GALNT9: variants seen among roughly 807,000 people sequenced by gnomAD.
GALNT9 encodes the protein polypeptide N-acetylgalactosaminyltransferase 9, also known as GalNAc transferase 9.
A neutral mutation model predicts 63.1 loss-of-function variants in GALNT9; 47 were observed. That is an observed-to-expected ratio of 0.75 (90% CI 0.59 to 0.95). GALNT9 has a LOEUF of 0.95. Among genes scored for constraint, GALNT9 ranks in the 40% least tolerant of loss-of-function variants. The pLI is 0.00. For synonymous variants in GALNT9, 396 were observed against 365.7 expected, an observed-to-expected ratio of 1.08 and a Z score of -0.94; for missense variants, 829 against 874.8, an observed-to-expected ratio of 0.95 and a Z score of 0.66.
chr12:132,268,896 G>A (rs1210561846), intron 2 of GALNT9, among the ~76,000 whole-genome samples: 1 of 152,238 alleles, frequency 6.6e-6, no homozygotes, highest in East Asian at 1.9e-4. Flanking sequence ...GGTGAGGGTC[G>A]CGGAGGGGCC....
rs1308750205 is a variant in GALNT9, at chr12:132,303,977, G to A, written c.239-17547C>T. Among the ~76,000 whole-genome samples the A allele has an allele frequency of 1.6e-3, 43 of 26,140 alleles. 1 individual carries two copies. Among genetic ancestry groups the A allele is most frequent in the Admixed American group, 2.4e-3 (5 of 2,110 alleles). The allele number at this position is 26,140 out of a possible 152,430, so 17.1% of individuals were successfully genotyped here. On this transcript the variant is annotated intron_variant, in intron 1 of 10. Transcript: ENST00000328957. ...CTCACCTGGGCACAGCCTCACCGGG[G>A]CACACCCTCACCCAGACACAGCCTC...
intron 6 of GALNT9, among the ~76,000 whole-genome samples, chr12:132,239,994 T>C (rs1271622797): frequency 6.6e-6 from 1 of 151,798 alleles, no homozygotes; most frequent in Admixed American, 6.6e-5. Flanking sequence ...AGAGGAGTGA[T>C]CAGAGGTGAA....
intron 5 of GALNT9, among the ~76,000 whole-genome samples, chr12:132,255,412 G>C (rs1000127139): frequency 3.9e-5 from 6 of 152,128 alleles, no homozygotes; most frequent in African/African-American, 1.4e-4. Flanking sequence ...CTTTCTTTTG[G>C]AGGTCTTTTC....
In GALNT9 at chr12:132,259,963, C is replaced by A; in HGVS notation, c.761+985G>T. On this transcript the variant is annotated intron_variant, in intron 4 of 10. Coordinates refer to ENST00000328957, the MANE Select transcript of GALNT9 (RefSeq NM_001122636.2). ...TCCTGGCCCTGGTGCGGGGAACACC[C>A]TGTGCATTGTGGGCGCGGGGCCTGC... Among the ~76,000 whole-genome samples, 2 of 149,916 alleles carry A rather than the reference C, an allele frequency of 1.3e-5. 1 individual carries two copies.
At chr12:132,294,129 C>G (rs1555243021) in intron 1 of GALNT9, among the ~76,000 whole-genome samples, 2 of 152,258 alleles carry the variant, frequency 1.3e-5, no homozygotes, top group African/African-American at 4.8e-5. Context: ...ACTATGGACA[C>G]ATTGGTGGGG....
At chr12:132,204,139 A>G (rs1470528716) in intron 6 of GALNT9, among the ~76,000 whole-genome samples, 1 of 142,282 alleles carries the variant, frequency 7.0e-6, no homozygotes, top group African/African-American at 2.6e-5. Flanking sequence ...CATCCCCAGA[A>G]CACACACAAT....
intron 1 of GALNT9, among the ~76,000 whole-genome samples, chr12:132,294,467 A>T (rs1003506050): frequency 6.6e-6 from 1 of 152,148 alleles, no homozygotes; most frequent in Non-Finnish European, 1.5e-5. Flanking sequence ...CAGGCAGGAG[A>T]CTCAGGAGCT....
intron 5 of GALNT9, among the ~76,000 whole-genome samples, chr12:132,256,415 C>T (rs1434833597): frequency 6.6e-6 from 1 of 151,860 alleles, no homozygotes; most frequent in Non-Finnish European, 1.5e-5. Context: ...TGGAGTCTGC[C>T]CTGCTCATCC....
chr12:132,257,368 C>G (rs892220001), intron 5 of GALNT9, among the ~76,000 whole-genome samples: 2 of 151,862 alleles, frequency 1.3e-5, no homozygotes, highest in African/African-American at 4.8e-5. Flanking sequence ...GCACCCGGCC[C>G]GACACTCACC....
chr12:132,299,313 C>T (rs1881203305), intron 1 of GALNT9, among the ~76,000 whole-genome samples: 2 of 139,740 alleles, frequency 1.4e-5, no homozygotes, highest in South Asian at 2.6e-4. Flanking sequence ...CACATCTAAC[C>T]CATCCCTGAG....
chr12:132,271,088 G>T (rs113646987), intron 2 of GALNT9, among the ~76,000 whole-genome samples: 3,469 of 152,282 alleles, frequency 0.023, 129 homozygotes, highest in African/African-American at 0.079. Context: ...CAGACGCTGC[G>T]CCCGTCACTC....
In GALNT9 at chr12:132,197,027, G is replaced by A. The variant is rs1238920849; in HGVS notation, c.*80C>T. On this transcript the variant is annotated 3_prime_UTR_variant, in exon 11 of 11. Transcript: ENST00000328957. ...AGAGCCCTGTCCTGCTGTGTCTGCCGGGCACACCCCGGTCACTCAGCCACA... is the reference window on the plus strand; with the variant it reads ...AGAGCCCTGTCCTGCTGTGTCTGCCAGGCACACCCCGGTCACTCAGCCACA... The A allele has an allele frequency of 1.3e-5, 20 of 1,578,056 alleles. No individual in the cohort carries two copies. Among genetic ancestry groups the A allele is most frequent in the East Asian group, 9.0e-5 (4 of 44,486 alleles).
intron 2 of GALNT9, among the ~76,000 whole-genome samples, chr12:132,272,032 C>T (rs377231730): frequency 3.9e-5 from 6 of 151,912 alleles, no homozygotes; most frequent in South Asian, 4.2e-4. Context: ...CGCTCGAGGG[C>T]GGGGGGAGGA....
intron 6 of GALNT9, among the ~76,000 whole-genome samples, chr12:132,240,243 G>C (rs1284807718): frequency 1.3e-5 from 2 of 152,158 alleles, no homozygotes; most frequent in African/African-American, 4.8e-5. Context: ...TCAGGGATCT[G>C]GAATATGACC....
At chr12:132,226,002 C>T (rs1413797170) in intron 6 of GALNT9, among the ~76,000 whole-genome samples, 3 of 147,762 alleles carry the variant, frequency 2.0e-5, no homozygotes, top group Admixed American at 2.0e-4. Context: ...ACACCCCACA[C>T]ACCCCACATT....
chr12:132,223,134 CCCACACACACA>C (rs1593071345), intron 6 of GALNT9, among the ~76,000 whole-genome samples: 4 of 105,978 alleles, frequency 3.8e-5, no homozygotes, highest in Non-Finnish European at 7.7e-5. Context: ...CCACACACAC[CCCACACACACA>C]CCACACAACC....
rs1047316851 is a variant in GALNT9 at position 132,245,614 on chromosome 12, C to T, written c.1077+2296G>A. On this transcript the variant is annotated intron_variant, in intron 6 of 10. Transcript: ENST00000328957. This position sits in a 1 kb window ranked among gnomAD's most constrained non-coding sequence, Gnocchi z 6.3. ...ACCCCCAGCCCAGCCTGCTGACCCT[C>T]GCCCAGCCAGGGCCCTCCGTGGTCC... 2.0e-5 allele frequency among the ~76,000 whole-genome samples: 3 copies of T among 151,058 alleles called. No homozygotes were observed. The highest frequency in any genetic ancestry group is 4.2e-4 in the South Asian group (2 of 4,784).
At chr12:132,199,959 ATTGGGACCG>A (rs1452620350) in intron 8 of GALNT9, among the ~76,000 whole-genome samples, 97 of 152,322 alleles carry the variant, frequency 6.4e-4, no homozygotes, top group African/African-American at 2.3e-3. Flanking sequence ...ACAGGTTTGA[ATTGGGACCG>A]TTGAGGAAGC....
At chr12:132,213,801 GCT>G (rs1219477993) in intron 6 of GALNT9, among the ~76,000 whole-genome samples, 7 of 152,264 alleles carry the variant, frequency 4.6e-5, no homozygotes, top group African/African-American at 9.6e-5. Flanking sequence ...CTTGCTGCCA[GCT>G]CTCTCGAGCA....
Sources: gnomAD v4.1 joint callset for allele counts (sites outside exome capture counted in the v4.1 genomes callset) on GRCh38, gnomAD v4.1.1 for gene constraint, Gnocchi (gnomAD v3.1) non-coding constraint, MANE v1.5 for transcripts, NCBI Gene and HGNC (gene_info 2026-07-23, HGNC 2026-07-21) for gene names.